Variants in CASTOR2 observed in about 807,000 individuals in gnomAD.
CASTOR2 encodes the protein GATS protein like 2.
CASTOR2 carries 8 observed loss-of-function variants against 31.2 expected under a neutral mutation model. That is an observed-to-expected ratio of 0.26 (90% CI 0.15 to 0.46). The LOEUF is 0.46. CASTOR2 is among the 20% of genes least tolerant of loss of function. The probability of loss-of-function intolerance (pLI) is 0.99; values close to 1 mark genes in which losing one functional copy is unlikely to be tolerated. For missense variants in CASTOR2, 216 were observed against 382.1 expected (o/e 0.57, Z 3.62); for synonymous variants, 162 against 158.7 (o/e 1.02, Z -0.16).
In CASTOR2 at chr7:75,029,987, G is replaced by A. The variant is rs1352375913; in HGVS notation, c.*5288G>A. ...AACCTGGTCAACATAGCAAGACCCT[G>A]CCTCTACAAGAAAATAACGAAAGAG... On this transcript the variant is annotated 3_prime_UTR_variant, in exon 9 of 9. Coordinates refer to ENST00000616305, the MANE Select transcript of CASTOR2 (RefSeq NM_001145064.3). 6.6e-5 allele frequency among the ~76,000 whole-genome samples: 10 copies of A among 152,324 alleles called. No individual in the cohort carries two copies. The highest frequency in any genetic ancestry group is 4.6e-4 in the Admixed American group (7 of 15,290).
At chr7:75,020,184 G>A in intron 6 of CASTOR2, 35 bp downstream of exon 6, 1 of 1,544,388 alleles carries the variant, frequency 6.5e-7, no homozygotes, top group Non-Finnish European at 8.8e-7. Flanking sequence ...TTCAACCCAG[G>A]GTGGGCCCCA....
chr7:75,012,505 C>A (rs1804774471), intron 2 of CASTOR2, among the ~76,000 whole-genome samples: 1 of 151,656 alleles, frequency 6.6e-6, no homozygotes, highest in South Asian at 2.1e-4. Flanking sequence ...CAGGGTTTCA[C>A]CATGTTGGCA....
In CASTOR2 at chr7:75,027,302, T is replaced by G. The variant is rs1805163234; in HGVS notation, c.*2603T>G. The G allele has an allele frequency of 1.3e-5, 2 of 152,558 alleles. No individual in the cohort carries two copies. The highest frequency in any genetic ancestry group is 1.3e-4 in the Admixed American group (2 of 15,290). 9.5% of individuals were successfully genotyped at this position (152,558 alleles called of 1,614,324 possible). A position where few individuals can be genotyped will look rare whatever the true frequency, so the allele number is the denominator to read the frequency against. On this transcript the variant is annotated 3_prime_UTR_variant, in exon 9 of 9. Coordinates refer to ENST00000616305, the MANE Select transcript of CASTOR2 (RefSeq NM_001145064.3). ...GGGTCATGCCTTCTGCACCCCACTT[T>G]CCCCAGGCAAGATCCCTGGGCGCCC... is the stretch of plus-strand genomic sequence containing the variant.
chr7:75,011,580 A>G (rs1325562646), intron 2 of CASTOR2, among the ~76,000 whole-genome samples: 1 of 151,470 alleles, frequency 6.6e-6, no homozygotes, highest in African/African-American at 2.4e-5. Context: ...TAAAAATACA[A>G]AAAAAATTTG....
At chr7:75,019,151 C>T in intron 5 of CASTOR2, 56 bp downstream of exon 5, 1 of 1,551,520 alleles carries the variant, frequency 6.4e-7, no homozygotes, top group South Asian at 1.2e-5. Context: ...AGGCATGGCT[C>T]CGCCTAGGAG....
intron 2 of CASTOR2, among the ~76,000 whole-genome samples, chr7:75,009,003 C>T: frequency 6.6e-6 from 1 of 152,196 alleles, no homozygotes; most frequent in East Asian, 1.9e-4. Flanking sequence ...GTCACCCAGG[C>T]TGGAGTGCAA....
rs1584481407 is a variant in CASTOR2, at chr7:75,027,846, T to G, written c.*3147T>G. ...GTCTCCACAGCTCTTCGGGGTGGGG[T>G]GTGAGTGTGGTTTTTCCCAGGCAGG... On this transcript the variant is annotated 3_prime_UTR_variant, in exon 9 of 9. Coordinates refer to ENST00000616305, the MANE Select transcript of CASTOR2 (RefSeq NM_001145064.3). 1 of 682,564 alleles carries G rather than the reference T, an allele frequency of 1.5e-6. No individual in the cohort carries two copies. The highest frequency in any genetic ancestry group is 1.6e-5 in the South Asian group (1 of 61,118). The allele number at this position is 682,564 out of a possible 1,614,324, so 42.3% of individuals were successfully genotyped here.
At chr7:74,986,041 C>T (rs1804056687) in intron 1 of CASTOR2, among the ~76,000 whole-genome samples, 1 of 152,184 alleles carries the variant, frequency 6.6e-6, no homozygotes, top group Non-Finnish European at 1.5e-5. Flanking sequence ...GATTCTCCTG[C>T]CTTAGCCTCC....
At chr7:75,004,100 G>C (rs1179938153) in intron 1 of CASTOR2, among the ~76,000 whole-genome samples, 28 of 152,230 alleles carry the variant, frequency 1.8e-4, no homozygotes, top group Non-Finnish European at 3.7e-4. Flanking sequence ...CGGGGCTCTC[G>C]GGCAGCTGGG....
chr7:75,002,827 C>G lies in CASTOR2; in HGVS notation c.114-5167C>G, dbSNP rs1584470099. 2.0e-5 allele frequency among the ~76,000 whole-genome samples: 3 copies of G among 152,106 alleles called. No individual in the cohort carries two copies. The East Asian group carries it at 5.8e-4, about 30-fold the overall frequency. On this transcript the variant is annotated intron_variant, in intron 1 of 8. Transcript: ENST00000616305. The stretch of plus-strand genomic sequence containing the variant: ...ATGGGGTCCTGTGGAGTGGCTCACA[C>G]CCATAATCCCAGCACTTTGGGAGGT...
At chr7:75,005,717 C>T (rs1234382673) in intron 1 of CASTOR2, among the ~76,000 whole-genome samples, 29 of 152,328 alleles carry the variant, frequency 1.9e-4, no homozygotes, top group African/African-American at 7.0e-4. Context: ...CGGCTGGGTG[C>T]AGTGGCTTAC....
At chr7:74,996,447 TAGTGTC>T (rs1275266655) in intron 1 of CASTOR2, among the ~76,000 whole-genome samples, 19 of 152,004 alleles carry the variant, frequency 1.2e-4, no homozygotes, top group African/African-American at 4.3e-4. Flanking sequence ...TCCCAATTCA[TAGTGTC>T]AGGGCAGGAC....
intron 1 of CASTOR2, among the ~76,000 whole-genome samples, chr7:75,001,423 C>CT (rs1259656191): frequency 6.6e-6 from 1 of 152,130 alleles, no homozygotes; most frequent in Non-Finnish European, 1.5e-5. Context: ...ACACTGGGTA[C>CT]TTTCTGGCAT....
intron 1 of CASTOR2, among the ~76,000 whole-genome samples, chr7:74,991,145 G>A (rs1277929823): frequency 6.6e-6 from 1 of 152,066 alleles, no homozygotes; most frequent in Admixed American, 6.6e-5. Flanking sequence ...ATAGTTGGGC[G>A]AGCTGGAAGG....
At chr7:74,992,605 A>G (rs1804238377) in intron 1 of CASTOR2, among the ~76,000 whole-genome samples, 1 of 151,914 alleles carries the variant, frequency 6.6e-6, no homozygotes, top group African/African-American at 2.4e-5. Context: ...ATGCCCAGCT[A>G]TTTTTTGTAT....
intron 1 of CASTOR2, among the ~76,000 whole-genome samples, chr7:74,986,117 A>G (rs1171329108): frequency 4.9e-4 from 75 of 151,992 alleles, no homozygotes; most frequent in African/African-American, 1.8e-3. Flanking sequence ...TTTAGTAGAG[A>G]TGGGGTTTCG....
chr7:75,022,593 A>C (rs1333401407), intron 7 of CASTOR2, among the ~76,000 whole-genome samples: 1 of 151,028 alleles, frequency 6.6e-6, no homozygotes, highest in Non-Finnish European at 1.5e-5. Flanking sequence ...ACCTGAGGTC[A>C]GGAGTACCAG....
At chr7:75,009,907 T>A (rs1273646956) in intron 2 of CASTOR2, among the ~76,000 whole-genome samples, 3 of 149,306 alleles carry the variant, frequency 2.0e-5, no homozygotes, top group Non-Finnish European at 4.4e-5. Context: ...TTTTTTTTTT[T>A]AAGAAACAGG....
intron 1 of CASTOR2, among the ~76,000 whole-genome samples, chr7:74,973,236 T>C (rs1469673842): frequency 6.6e-6 from 1 of 150,838 alleles, no homozygotes; most frequent in African/African-American, 2.4e-5. Context: ...ACAGAGATGA[T>C]GATCATGCCT....
Sources: gnomAD v4.1 joint callset for allele counts (sites outside exome capture counted in the v4.1 genomes callset) on GRCh38, gnomAD v4.1.1 for gene constraint, MANE v1.5 for transcripts, NCBI Gene and HGNC (gene_info 2026-07-23, HGNC 2026-07-21) for gene names.